The following SUGCT variants were observed in gnomAD, a reference collection of about 807,000 sequenced individuals.
SUGCT encodes succinyl-CoA:glutarate-CoA transferase.
Under a neutral mutation model 55.0 loss-of-function variants are expected in SUGCT, and 41 were observed. The observed-to-expected ratio is 0.74, with a 90% CI of 0.58 to 0.97. The LOEUF is 0.97. SUGCT is among the 50% of genes least tolerant of loss of function. SUGCT has a pLI of 0.00. For synonymous variants in SUGCT, 187 were observed against 200.4 expected (o/e 0.93, Z 0.56); for missense variants, 568 against 547.8 (o/e 1.04, Z -0.37).
chr7:40,980,383 C>G, the SUGCT span, among the ~76,000 whole-genome samples: 9 of 152,244 alleles, frequency 5.9e-5, no homozygotes, highest in Non-Finnish European at 7.3e-5. Context: ...CAAATTCATG[C>G]CCTTATTGCA....
At chr7:40,215,437 G>A (rs1787569919) in intron 6 of SUGCT, among the ~76,000 whole-genome samples, 1 of 152,104 alleles carries the variant, frequency 6.6e-6, no homozygotes, top group Non-Finnish European at 1.5e-5. Context: ...TAATAGGTGT[G>A]AACCACCCAC....
At chr7:40,980,240 C>A in the SUGCT span, among the ~76,000 whole-genome samples, 1 of 152,146 alleles carries the variant, frequency 6.6e-6, no homozygotes, top group Non-Finnish European at 1.5e-5. Flanking sequence ...CACTTATTAT[C>A]TCATCCACCC....
At chr7:40,959,146 A>G in the SUGCT span, among the ~76,000 whole-genome samples, 3 of 152,190 alleles carry the variant, frequency 2.0e-5, no homozygotes, top group Non-Finnish European at 4.4e-5. Flanking sequence ...CACAGGGGTC[A>G]GGGATCCACT....
At chr7:40,721,671 A>G (rs906560433) in intron 12 of SUGCT, among the ~76,000 whole-genome samples, 7 of 152,218 alleles carry the variant, frequency 4.6e-5, no homozygotes, top group Non-Finnish European at 1.0e-4. Context: ...TATGCACAGA[A>G]CATTCCATAA....
At chr7:40,851,638 CA>C (rs1191490270) in intron 13 of SUGCT, among the ~76,000 whole-genome samples, 1 of 152,208 alleles carries the variant, frequency 6.6e-6, no homozygotes, top group Non-Finnish European at 1.5e-5. Context: ...ACAGGCAGTT[CA>C]CCCACAGCCC....
In SUGCT at chr7:40,599,150, C is replaced by T. The variant is rs377604701; in HGVS notation, c.1089+102764C>T. 1.1e-4 allele frequency among the ~76,000 whole-genome samples: 17 copies of T among 152,186 alleles called. No homozygotes were observed. In the East Asian group the frequency reaches 3.1e-3, roughly 28 times the overall value. On this transcript the variant is annotated intron_variant, in intron 12 of 13. Transcript: ENST00000335693. Reference sequence around the variant, plus strand: ...TCAGATGAGAGAGGGAGGTTGAAACCGACACTTTAAGGGAAGCCTCAGAAG... The same window carrying T: ...TCAGATGAGAGAGGGAGGTTGAAACTGACACTTTAAGGGAAGCCTCAGAAG...
At chr7:40,915,321 C>T in the SUGCT span, among the ~76,000 whole-genome samples, 1 of 152,102 alleles carries the variant, frequency 6.6e-6, no homozygotes, top group Non-Finnish European at 1.5e-5. Context: ...AATCCAATTT[C>T]AAGGATCATG....
intron 12 of SUGCT, among the ~76,000 whole-genome samples, chr7:40,558,013 T>A (rs1795644812): frequency 6.6e-6 from 1 of 151,848 alleles, no homozygotes; most frequent in African/African-American, 2.4e-5. Flanking sequence ...GATGAAAAGA[T>A]GCTCCACATT....
intron 13 of SUGCT, among the ~76,000 whole-genome samples, chr7:40,820,146 A>G (rs1049711998): frequency 2.0e-5 from 3 of 152,178 alleles, no homozygotes; most frequent in African/African-American, 4.8e-5. Context: ...TACCAGTACC[A>G]TGCTGTTTTG....
chr7:40,579,990 T>C (rs1270254119), intron 12 of SUGCT, among the ~76,000 whole-genome samples: 1 of 152,200 alleles, frequency 6.6e-6, no homozygotes, highest in Non-Finnish European at 1.5e-5. Context: ...TATCCAGTGA[T>C]ATGAAACAAT....
intron 13 of SUGCT, among the ~76,000 whole-genome samples, chr7:40,846,065 GT>G (rs1229510305): frequency 6.6e-6 from 1 of 152,110 alleles, no homozygotes; most frequent in East Asian, 1.9e-4. Flanking sequence ...GAAATTTCCG[GT>G]TTTTTCCTTA....
At chr7:40,234,206 AG>A (rs1457167292) in intron 6 of SUGCT, among the ~76,000 whole-genome samples, 1 of 152,230 alleles carries the variant, frequency 6.6e-6, no homozygotes, top group Non-Finnish European at 1.5e-5. Context: ...TTCCGAACCT[AG>A]AGTTAACTGA....
chr7:40,796,205 A>G (rs1790545161), intron 13 of SUGCT, among the ~76,000 whole-genome samples: 3 of 152,204 alleles, frequency 2.0e-5, no homozygotes, highest in African/African-American at 4.8e-5. Flanking sequence ...AATAGCATCT[A>G]GAAGTAGGAA....
chr7:40,350,698 T>G (rs1797581290), intron 9 of SUGCT, among the ~76,000 whole-genome samples: 1 of 152,042 alleles, frequency 6.6e-6, no homozygotes, highest in South Asian at 2.1e-4. Flanking sequence ...ATGTGTAGGT[T>G]TGTTACATAG....
chr7:40,875,359 C>T, the SUGCT span, among the ~76,000 whole-genome samples: 3 of 152,262 alleles, frequency 2.0e-5, no homozygotes, highest in South Asian at 4.1e-4. Flanking sequence ...TAGTGTAGTT[C>T]CATATTGTCT....
chr7:40,363,227 C>T (rs922020533), intron 9 of SUGCT, among the ~76,000 whole-genome samples: 8 of 151,558 alleles, frequency 5.3e-5, no homozygotes, highest in East Asian at 1.9e-4. Context: ...GTCTTGCTAG[C>T]GGTCTATCAA....
chr7:40,322,996 C>G (rs141602480), intron 9 of SUGCT, among the ~76,000 whole-genome samples: 1 of 31,274 alleles, frequency 3.2e-5, no homozygotes, highest in Non-Finnish European at 6.8e-5. Flanking sequence ...ATAAAATAAA[C>G]TACTACCAGA....
At chr7:40,619,650 C>T (rs577168123) in intron 12 of SUGCT, among the ~76,000 whole-genome samples, 1 of 152,218 alleles carries the variant, frequency 6.6e-6, no homozygotes, top group Non-Finnish European at 1.5e-5. Flanking sequence ...AAATCTGATA[C>T]AGGAATAAAA....
chr7:41,017,903 G>A, the SUGCT span, among the ~76,000 whole-genome samples: 2 of 152,026 alleles, frequency 1.3e-5, no homozygotes, highest in South Asian at 4.1e-4. Flanking sequence ...AAGCCTGAGA[G>A]CCACCCAGAA....
Sources: allele counts gnomAD v4.1 joint callset (sites outside exome capture counted in the v4.1 genomes callset), GRCh38; gene constraint gnomAD v4.1.1; transcripts MANE v1.5; gene names NCBI Gene and HGNC (gene_info 2026-07-23, HGNC 2026-07-21).